Variants in NALF1 observed in about 807,000 individuals in gnomAD.
The protein encoded by NALF1 is NALCN channel auxiliary factor 1, also known as family with sequence similarity 155 member A.
A neutral mutation model predicts 48.4 loss-of-function variants in NALF1; 3 were observed. That is an observed-to-expected ratio of 0.06 (90% CI 0.03 to 0.16). The LOEUF is 0.16. Ranked by LOEUF, NALF1 falls within the 10% of genes least tolerant of loss-of-function variation. NALF1 has a pLI of 1.00. For missense variants in NALF1, 526 were observed against 571.5 expected, an observed-to-expected ratio of 0.92 and a Z score of 0.81; for synonymous variants, 262 against 245.7, an observed-to-expected ratio of 1.07 and a Z score of -0.62.
chr13:107,794,454 TCTAA>T (rs1878349119), intron 1 of NALF1, among the ~76,000 whole-genome samples: 1 of 147,734 alleles, frequency 6.8e-6, no homozygotes, highest in Admixed American at 7.0e-5. Flanking sequence ...TCTATTGTTC[TCTAA>T]CTAGCATGCA....
intron 1 of NALF1, among the ~76,000 whole-genome samples, chr13:107,471,303 T>TA (rs1232721048): frequency 6.6e-6 from 1 of 152,148 alleles, no homozygotes; most frequent in East Asian, 1.9e-4. Flanking sequence ...CCATATTTCT[T>TA]AAAAAATAAG....
At chr13:107,238,624 G>A (rs1040449787) in intron 1 of NALF1, among the ~76,000 whole-genome samples, 2 of 152,214 alleles carry the variant, frequency 1.3e-5, no homozygotes, top group African/African-American at 4.8e-5. Context: ...ATGAGTAGGT[G>A]TTAGCCTAGG....
intron 1 of NALF1, among the ~76,000 whole-genome samples, chr13:107,625,030 T>C (rs1007477187): frequency 1.1e-4 from 17 of 152,194 alleles, no homozygotes; most frequent in African/African-American, 3.9e-4. Flanking sequence ...TCTAACTCTA[T>C]GAATATGATT....
chr13:107,487,607 CCTTGGA>C (rs2139066269), intron 1 of NALF1, among the ~76,000 whole-genome samples: 1 of 152,210 alleles, frequency 6.6e-6, no homozygotes, highest in Admixed American at 6.5e-5. Flanking sequence ...GTTGAACCAA[CCTTGGA>C]TTCCGCAGAT....
At chr13:107,514,323 G>T (rs1045652062) in intron 1 of NALF1, among the ~76,000 whole-genome samples, 3 of 152,188 alleles carry the variant, frequency 2.0e-5, no homozygotes, top group African/African-American at 7.2e-5. Context: ...GTCCAAGGCA[G>T]TATGGGAGAT....
At chr13:107,788,700 G>A (rs1239269524) in intron 1 of NALF1, 1 of 152,154 alleles carries the variant, frequency 6.6e-6, no homozygotes, top group East Asian at 1.9e-4. Flanking sequence ...GAATGCAGGG[G>A]CTTATCTGGA....
intron 1 of NALF1, among the ~76,000 whole-genome samples, chr13:107,622,498 A>G (rs1367875114): frequency 6.6e-6 from 1 of 151,878 alleles, no homozygotes; most frequent in East Asian, 1.9e-4. Context: ...AGAGAAAAGA[A>G]AAGAAAAAAA....
rs765487919 is a variant in NALF1 at position 107,726,913 on chromosome 13, T to TTCTGTGTGTGTG, written c.915+138768_915+138769insCACACACACAGA. On this transcript the variant is annotated intron_variant, in intron 1 of 2. Coordinates refer to ENST00000375915, the MANE Select transcript of NALF1 (RefSeq NM_001080396.3). ...GACACCACGCCCGGCCGGCAAATTC[T>TTCTGTGTGTGTG]TGTGTGTGTGTGTGTGTGTGTGTGT... is the stretch of plus-strand genomic sequence containing the variant. Among the ~76,000 whole-genome samples the TTCTGTGTGTGTG allele has an allele frequency of 3.4e-3, 429 of 126,472 alleles. 5 individuals are homozygous for TTCTGTGTGTGTG. Among genetic ancestry groups the TTCTGTGTGTGTG allele is most frequent in the Middle Eastern group, 8.4e-3 (2 of 238 alleles). The allele number at this position is 126,472 out of a possible 152,430, so 83.0% of individuals were successfully genotyped here.
At position 107,168,787 on chromosome 13, in the gene NALF1, G is replaced by C. The variant is rs1878723325; in HGVS notation, c.*1710C>G. 1 of 152,490 alleles carries C rather than the reference G, an allele frequency of 6.6e-6. No individual in the cohort carries two copies. Among genetic ancestry groups the C allele is most frequent in the African/African-American group, 2.4e-5 (1 of 41,402 alleles). The allele number at this position is 152,490 out of a possible 1,614,324, so 9.4% of individuals were successfully genotyped here. ...GGTTAAGTATGATGCAGAGGTTAAA[G>C]TCTGTTTGAACAAAAACAAATGCCC... On this transcript the variant is annotated 3_prime_UTR_variant, in exon 3 of 3. Coordinates refer to ENST00000375915, the MANE Select transcript of NALF1 (RefSeq NM_001080396.3).
At chr13:107,261,959 T>C (rs144855765) in intron 1 of NALF1, among the ~76,000 whole-genome samples, 7 of 152,182 alleles carry the variant, frequency 4.6e-5, no homozygotes, top group Non-Finnish European at 8.8e-5. Flanking sequence ...TTCAAGAGTA[T>C]CCAGGTATGG....
chr13:107,671,162 A>C (rs1880982169), intron 1 of NALF1, among the ~76,000 whole-genome samples: 1 of 152,148 alleles, frequency 6.6e-6, no homozygotes, highest in South Asian at 2.1e-4. Flanking sequence ...TAAGTACTTA[A>C]AATAGTGAAG....
At chr13:107,245,819 T>G (rs1450359359) in intron 1 of NALF1, among the ~76,000 whole-genome samples, 1 of 152,224 alleles carries the variant, frequency 6.6e-6, no homozygotes, top group East Asian at 1.9e-4. Flanking sequence ...GTCACTTCAC[T>G]GTAGATGACT....
At chr13:107,424,912 T>C (rs946963237) in intron 1 of NALF1, among the ~76,000 whole-genome samples, 5 of 152,230 alleles carry the variant, frequency 3.3e-5, no homozygotes, top group Admixed American at 6.5e-5. Context: ...TACTTGTCTA[T>C]GTTCCTTAGC....
chr13:107,647,531 T>A (rs746577311), intron 1 of NALF1, among the ~76,000 whole-genome samples: 3 of 151,782 alleles, frequency 2.0e-5, no homozygotes, highest in Admixed American at 1.3e-4. Flanking sequence ...AAGGCAGAAT[T>A]GCAAACATAA....
chr13:107,393,701 T>TATTG (rs1316972576), intron 1 of NALF1, among the ~76,000 whole-genome samples: 1 of 152,222 alleles, frequency 6.6e-6, no homozygotes, highest in Non-Finnish European at 1.5e-5. Flanking sequence ...CAGCCATCAT[T>TATTG]ATTGATGATT....
chr13:107,706,419 T>C (rs575051058), intron 1 of NALF1, among the ~76,000 whole-genome samples: 5 of 152,324 alleles, frequency 3.3e-5, no homozygotes, highest in East Asian at 1.9e-4. Context: ...TAAGACATTA[T>C]AGTATATTAA....
chr13:107,681,773 C>A lies in NALF1; in HGVS notation c.915+183909G>T, dbSNP rs148659801. ...CAAAGGACGGTAAATCCCCCTCCTT[C>A]CTCCTGTCACCAGCCCTGACACTGT... On this transcript the variant is annotated intron_variant, in intron 1 of 2. Coordinates refer to ENST00000375915, the MANE Select transcript of NALF1 (RefSeq NM_001080396.3). Among the ~76,000 whole-genome samples the A allele has an allele frequency of 9.5e-4, 145 of 152,318 alleles. No homozygotes were observed. The East Asian group carries it at 0.025, about 26-fold the overall frequency.
At chr13:107,620,659 C>CTAA (rs1879495214) in intron 1 of NALF1, among the ~76,000 whole-genome samples, 1 of 152,122 alleles carries the variant, frequency 6.6e-6, no homozygotes, top group Non-Finnish European at 1.5e-5. Context: ...GAAATTGTAA[C>CTAA]CACTGTGCAT....
At chr13:107,379,156 T>C (rs1472788100) in intron 1 of NALF1, among the ~76,000 whole-genome samples, 1 of 152,210 alleles carries the variant, frequency 6.6e-6, no homozygotes, top group East Asian at 1.9e-4. Flanking sequence ...CAGATGCTTC[T>C]AAATAGGGTT....
Sources: allele counts gnomAD v4.1 joint callset (sites outside exome capture counted in the v4.1 genomes callset), GRCh38; gene constraint gnomAD v4.1.1; transcripts MANE v1.5; gene names NCBI Gene and HGNC (gene_info 2026-07-23, HGNC 2026-07-21).